WDFY4: variants seen among roughly 807,000 people sequenced by gnomAD.
WDFY4 encodes the protein WD repeat- and FYVE domain-containing protein 4.
WDFY4 carries 169 observed loss-of-function variants against 351.9 expected under a neutral mutation model. That is an observed-to-expected ratio of 0.48 (90% CI 0.42 to 0.55). The LOEUF is 0.55. WDFY4 is among the 20% of genes least tolerant of loss of function. The pLI is 0.00. For missense variants in WDFY4, 3,803 were observed against 3,935.6 expected, an observed-to-expected ratio of 0.97 and a Z score of 0.90; for synonymous variants, 1,622 against 1,574.6, an observed-to-expected ratio of 1.03 and a Z score of -0.71.
chr10:48,714,350 C>T lies in WDFY4; in HGVS notation c.234+4384C>T, dbSNP rs149324794. 2.0e-5 allele frequency among the ~76,000 whole-genome samples: 3 copies of T among 152,216 alleles called. No homozygotes were observed. The South Asian group carries it at 6.2e-4, about 32-fold the overall frequency. ...TTGGGCTCAAAAAGAATGTCTCCCC[C>T]ACACATAGGATGTTTAGATTGCTGA... On this transcript the variant is annotated intron_variant, in intron 2 of 61. Transcript: ENST00000325239.
intron 47 of WDFY4, among the ~76,000 whole-genome samples, chr10:48,920,823 G>A (rs1445810406): frequency 3.3e-5 from 5 of 152,180 alleles, no homozygotes; most frequent in Admixed American, 3.3e-4. Context: ...TAGGATACAA[G>A]GTTAGCACAC....
At chr10:48,839,482 G>A (rs1322544872) in intron 39 of WDFY4, among the ~76,000 whole-genome samples, 2 of 152,186 alleles carry the variant, frequency 1.3e-5, no homozygotes, top group African/African-American at 2.4e-5. Flanking sequence ...GCCTAAACCT[G>A]GAGGAAAATG....
intron 39 of WDFY4, among the ~76,000 whole-genome samples, chr10:48,852,192 C>A (rs1190797387): frequency 2.0e-5 from 3 of 152,068 alleles, no homozygotes; most frequent in Non-Finnish European, 4.4e-5. Flanking sequence ...ACAAAGGGCT[C>A]AAAGGCCAGT....
At chr10:48,792,889 G>T (rs74130650) in intron 23 of WDFY4, among the ~76,000 whole-genome samples, 1 of 152,102 alleles carries the variant, frequency 6.6e-6, no homozygotes, top group South Asian at 2.1e-4. Context: ...GGGTGGGCGC[G>T]GTGAGCTCTC....
intron 2 of WDFY4, among the ~76,000 whole-genome samples, chr10:48,716,628 G>A (rs2063919367): frequency 6.6e-6 from 1 of 152,162 alleles, no homozygotes; most frequent in Non-Finnish European, 1.5e-5. Context: ...GCCCATCGAG[G>A]TCCCAGGAAG....
At chr10:48,800,690 CT>C (rs2067042392) in intron 24 of WDFY4, among the ~76,000 whole-genome samples, 1 of 132,330 alleles carries the variant, frequency 7.6e-6, no homozygotes, top group Non-Finnish European at 1.6e-5. Flanking sequence ...TTCTTTCTTT[CT>C]TTCTTTCTTT....
At chr10:48,885,228 G>A (rs2070407304) in intron 43 of WDFY4, among the ~76,000 whole-genome samples, 1 of 152,148 alleles carries the variant, frequency 6.6e-6, no homozygotes, top group South Asian at 2.1e-4. Flanking sequence ...TGTAGCCTGG[G>A]AATATGAATT....
intron 39 of WDFY4, among the ~76,000 whole-genome samples, chr10:48,861,834 T>G (rs1414406267): frequency 1.3e-5 from 2 of 152,190 alleles, no homozygotes; most frequent in African/African-American, 4.8e-5. Flanking sequence ...ACACAAAGAT[T>G]AAATCTTTTG....
At chr10:48,971,420 C>T (rs113315103) in intron 57 of WDFY4, among the ~76,000 whole-genome samples, 5,905 of 151,658 alleles carry the variant, frequency 0.039, 132 homozygotes, top group South Asian at 0.08. Flanking sequence ...GGCGTGAACC[C>T]GGGAGGCGGA....
chr10:48,794,803 AC>A (rs1362576166), intron 23 of WDFY4, among the ~76,000 whole-genome samples: 2 of 152,176 alleles, frequency 1.3e-5, no homozygotes, highest in East Asian at 3.9e-4. Flanking sequence ...GGATTTGGCC[AC>A]CTGGAAGTCC....
At chr10:48,940,157 C>A (rs1025857950) in intron 47 of WDFY4, among the ~76,000 whole-genome samples, 9 of 152,260 alleles carry the variant, frequency 5.9e-5, no homozygotes. Context: ...CCAGCCTGGG[C>A]TCTGCCCTTG....
intron 25 of WDFY4, among the ~76,000 whole-genome samples, chr10:48,804,238 G>A (rs974936745): frequency 6.6e-6 from 1 of 152,184 alleles, no homozygotes; most frequent in Non-Finnish European, 1.5e-5. Flanking sequence ...GGTGCCTTCA[G>A]CATTTTGAAT....
intron 47 of WDFY4, among the ~76,000 whole-genome samples, chr10:48,907,014 G>A (rs1299047672): frequency 6.6e-6 from 1 of 151,942 alleles, no homozygotes; most frequent in Non-Finnish European, 1.5e-5. Flanking sequence ...AAAGGATTGT[G>A]GGTACCAAAG....
intron 47 of WDFY4, among the ~76,000 whole-genome samples, chr10:48,902,164 A>C (rs1837389865): frequency 6.6e-6 from 1 of 152,234 alleles, no homozygotes. Context: ...AGTCAGGCCC[A>C]GCCTTGGAGG....
At position 48,813,007 on chromosome 10, in the gene WDFY4, T is replaced by TG. The variant is rs1426463655; in HGVS notation, c.5215-949dup. 1.8e-4 allele frequency among the ~76,000 whole-genome samples: 27 copies of TG among 152,218 alleles called. 1 individual carries two copies. Among genetic ancestry groups the TG allele is most frequent in the Admixed American group, 1.8e-3 (27 of 15,288 alleles). The stretch of plus-strand genomic sequence containing the variant: ...AGACAGAGGAGACCATTTCCTCCTT[T>TG]GTGCCTCAGTGTAGTTTACCCTATA... On this transcript the variant is annotated intron_variant, in intron 30 of 61. Transcript: ENST00000325239.
chr10:48,844,197 C>T (rs1194679733), intron 39 of WDFY4, among the ~76,000 whole-genome samples: 4 of 152,170 alleles, frequency 2.6e-5, no homozygotes, highest in African/African-American at 2.4e-5. Flanking sequence ...TTCTTCTCTT[C>T]GTTGTTGTTG....
intron 19 of WDFY4, among the ~76,000 whole-genome samples, chr10:48,782,882 G>A (rs1213019074): frequency 6.6e-6 from 1 of 152,166 alleles, no homozygotes; most frequent in African/African-American, 2.4e-5. Flanking sequence ...GGGGCAGTGT[G>A]CATACACTGG....
chr10:48,790,127 A>G, intron 22 of WDFY4, 142 bp downstream of exon 22: 1 of 757,056 alleles, frequency 1.3e-6, no homozygotes, highest in South Asian at 1.6e-5. Context: ...GTTGGGAGTG[A>G]ATCCAGCCAG....
chr10:48,753,506 G>A (rs978571207), intron 12 of WDFY4, among the ~76,000 whole-genome samples: 12 of 152,140 alleles, frequency 7.9e-5, no homozygotes, highest in African/African-American at 2.9e-4. Flanking sequence ...GGCTCTTATT[G>A]TAGATAATTA....
Sources: gnomAD v4.1 joint callset for allele counts (sites outside exome capture counted in the v4.1 genomes callset) on GRCh38, gnomAD v4.1.1 for gene constraint, MANE v1.5 for transcripts, NCBI Gene and HGNC (gene_info 2026-07-23, HGNC 2026-07-21) for gene names.